Variants in COL25A1 observed in about 807,000 individuals in gnomAD.
COL25A1 encodes collagen type XXV alpha 1 chain.
A neutral mutation model predicts 128.4 loss-of-function variants in COL25A1; 103 were observed. The ratio of observed to expected loss-of-function variants is 0.80; its 90% CI spans 0.68 to 0.94. The LOEUF (loss-of-function observed/expected upper bound fraction) is 0.94, where lower values mean the gene tolerates loss of function less well. COL25A1 is among the 40% of genes least tolerant of loss of function. The pLI, the probability that COL25A1 is intolerant of heterozygous loss-of-function variation, is 0.00. For missense variants in COL25A1, 745 were observed against 840.0 expected (o/e 0.89, Z 1.40); for synonymous variants, 279 against 277.2 (o/e 1.01, Z -0.06).
intron 3 of COL25A1, among the ~76,000 whole-genome samples, chr4:109,155,257 G>A (rs1242615147): frequency 6.6e-6 from 1 of 152,104 alleles, no homozygotes; most frequent in Non-Finnish European, 1.5e-5. Flanking sequence ...ACCCAAGAAA[G>A]AGAAACAGAC....
chr4:109,192,148 A>C (rs1775671713), intron 3 of COL25A1, among the ~76,000 whole-genome samples: 1 of 152,176 alleles, frequency 6.6e-6, no homozygotes. Context: ...AATACAGGGT[A>C]TGTGGAGGAG....
chr4:108,856,039 A>G (rs1377353284), intron 24 of COL25A1, among the ~76,000 whole-genome samples: 1 of 152,210 alleles, frequency 6.6e-6, no homozygotes, highest in Non-Finnish European at 1.5e-5. Flanking sequence ...GGAGGCATGA[A>G]CTACAGAAAC....
chr4:109,156,613 T>A (rs1210959211), intron 3 of COL25A1, among the ~76,000 whole-genome samples: 14 of 152,094 alleles, frequency 9.2e-5, no homozygotes, highest in Admixed American at 9.2e-4. Context: ...ACTCATATGT[T>A]GAGATATAAA....
intron 5 of COL25A1, among the ~76,000 whole-genome samples, chr4:109,018,586 G>A (rs1293771313): frequency 6.6e-6 from 1 of 152,166 alleles, no homozygotes. Flanking sequence ...GTCTGTGCCA[G>A]TTAGTGGAAC....
chr4:108,906,245 G>A (rs1023034853), intron 13 of COL25A1, among the ~76,000 whole-genome samples: 3 of 150,572 alleles, frequency 2.0e-5, no homozygotes, highest in African/African-American at 4.9e-5. Context: ...ACTGAACCCC[G>A]CCCCCACCTT....
At chr4:108,959,304 C>T (rs534315487) in intron 8 of COL25A1, among the ~76,000 whole-genome samples, 62 of 152,030 alleles carry the variant, frequency 4.1e-4, no homozygotes, top group African/African-American at 1.5e-3. Context: ...TATGAAATTG[C>T]CCAATATTAG....
chr4:108,866,341 C>T (rs773364209), intron 20 of COL25A1, among the ~76,000 whole-genome samples: 25 of 151,928 alleles, frequency 1.6e-4, no homozygotes, highest in African/African-American at 3.6e-4. Flanking sequence ...TACAGGCATG[C>T]GCCGCCATGC....
intron 3 of COL25A1, among the ~76,000 whole-genome samples, chr4:109,130,256 G>A (rs1416683101): frequency 6.6e-6 from 1 of 152,092 alleles, no homozygotes; most frequent in Non-Finnish European, 1.5e-5. Flanking sequence ...GTGTTTATTT[G>A]CATAATATTA....
chr4:108,836,427 T>C (rs746289540), intron 31 of COL25A1, among the ~76,000 whole-genome samples: 1 of 152,188 alleles, frequency 6.6e-6, no homozygotes, highest in Non-Finnish European at 1.5e-5. Flanking sequence ...CCAGGCATAG[T>C]GGCTCACAGC....
chr4:108,866,040 A>G (rs1298316718), intron 20 of COL25A1, among the ~76,000 whole-genome samples: 1 of 152,202 alleles, frequency 6.6e-6, no homozygotes, highest in Non-Finnish European at 1.5e-5. Flanking sequence ...CCACACTACA[A>G]TGTAAGCTTC....
At chr4:109,019,966 A>G (rs548333204) in intron 5 of COL25A1, among the ~76,000 whole-genome samples, 11 of 152,336 alleles carry the variant, frequency 7.2e-5, no homozygotes, top group African/African-American at 2.6e-4. Flanking sequence ...TTCGTAAATT[A>G]TGCTCTGTAA....
chr4:109,205,552 C>T (rs1404906031), intron 3 of COL25A1, among the ~76,000 whole-genome samples: 2 of 152,128 alleles, frequency 1.3e-5, no homozygotes, highest in African/African-American at 2.4e-5. Flanking sequence ...GACAATAAAA[C>T]GAAAGCCTCA....
At chr4:108,817,548 C>G (rs1731358381) in intron 36 of COL25A1, 113 bp from the exon 37 acceptor site, 1 of 870,634 alleles carries the variant, frequency 1.1e-6, no homozygotes, top group East Asian at 2.6e-5. Flanking sequence ...TGACTTTGGT[C>G]ATGGGCATCT....
At chr4:109,259,369 A>C (rs895555905) in intron 3 of COL25A1, among the ~76,000 whole-genome samples, 3 of 152,206 alleles carry the variant, frequency 2.0e-5, no homozygotes, top group Non-Finnish European at 2.9e-5. Context: ...GTTGCTGCAA[A>C]CTGTCACCTG....
intron 28 of COL25A1, 109 bp downstream of exon 28, chr4:108,846,030 A>G: frequency 3.0e-6 from 2 of 676,676 alleles, no homozygotes; most frequent in Non-Finnish European, 5.0e-6. Flanking sequence ...TATGAGATGA[A>G]CCACTAGATG....
chr4:109,289,405 A>G (rs901113308), intron 3 of COL25A1, among the ~76,000 whole-genome samples: 2 of 152,144 alleles, frequency 1.3e-5, no homozygotes, highest in Admixed American at 6.6e-5. Flanking sequence ...TTAATTTTAC[A>G]TCTGTATGAA....
Position 108,860,947 on chromosome 4 carries a change from A to C in COL25A1, c.1222T>G (p.Ser408Ala). Residue 408 changes from serine (S) to alanine (A), a missense_variant, in exon 23 of 38, where the codon TCT (serine) becomes GCT (alanine). Ser to Ala is a moderately conservative substitution (Grantham distance 99). Coordinates refer to ENST00000399132, the MANE Select transcript of COL25A1 (RefSeq NM_198721.4). ...CTCACCCTTGGTCCCTGAGCTCCAG[A>C]GTCCCCTTTTTCTCCACGATCCCCC... is the stretch of plus-strand genomic sequence containing the variant. ...SKGDRGEKGDSGAQGPRGPPG... is the reference protein window; with the variant it reads ...SKGDRGEKGDAGAQGPRGPPG... 6.2e-7 allele frequency: 1 copy of C among 1,613,806 alleles called. No homozygotes were observed. The highest frequency in any genetic ancestry group is 1.1e-5 in the South Asian group (1 of 91,082).
At chr4:109,240,955 T>C (rs946749952) in intron 3 of COL25A1, among the ~76,000 whole-genome samples, 2 of 151,930 alleles carry the variant, frequency 1.3e-5, no homozygotes, top group Admixed American at 6.6e-5. Context: ...TTTTTGAGGG[T>C]ATTTATTTGC....
chr4:108,958,411 G>C (rs780845017), intron 8 of COL25A1, among the ~76,000 whole-genome samples: 32 of 151,786 alleles, frequency 2.1e-4, no homozygotes, highest in Non-Finnish European at 2.8e-4. Flanking sequence ...AATTATTTGG[G>C]TCCAACAATG....
Sources: gnomAD v4.1 joint callset for allele counts (sites outside exome capture counted in the v4.1 genomes callset) on GRCh38, gnomAD v4.1.1 for gene constraint, MANE v1.5 for transcripts, NCBI Gene and HGNC (gene_info 2026-07-23, HGNC 2026-07-21) for gene names.